Variants in KNDC1 observed in about 807,000 individuals in gnomAD.
KNDC1 encodes the protein kinase non-catalytic C-lobe domain containing 1.
A neutral mutation model predicts 172.8 loss-of-function variants in KNDC1; 106 were observed. That is an observed-to-expected ratio of 0.61 (90% CI 0.52 to 0.72). The LOEUF (loss-of-function observed/expected upper bound fraction) is 0.72. Ranked by LOEUF, KNDC1 falls within the 30% of genes least tolerant of loss-of-function variation. The probability of loss-of-function intolerance (pLI) is 0.00; values close to 1 mark genes in which losing one functional copy is unlikely to be tolerated. For missense variants in KNDC1, 2,325 were observed against 2,394.5 expected (o/e 0.97, Z 0.61); for synonymous variants, 1,083 against 1,062.2 (o/e 1.02, Z -0.38).
intron 5 of KNDC1, among the ~76,000 whole-genome samples, chr10:133,185,406 G>C (rs113292778): frequency 4.9e-5 from 7 of 144,232 alleles, no homozygotes; most frequent in East Asian, 4.2e-4. Context: ...GGAGTAGGCA[G>C]TGTGTGCAGT....
chr10:133,198,998 G>A lies in KNDC1; in HGVS notation c.2490G>A (p.Lys830=), dbSNP rs764662190. Residue 830 remains lysine, a synonymous_variant, in exon 14 of 30, where the codon AAG becomes AAA. Transcript: ENST00000304613. ...TAHHGPRHPP[K]PPRSKATERP... ...ACCACGGCCCACGCCACCCGCCCAA[G>A]CCCCCACGAAGCAAGGCCACCGAGC... 6.4e-7 allele frequency: 1 copy of A among 1,557,224 alleles called. No homozygotes were observed. The highest frequency in any genetic ancestry group is 8.7e-7 in the Non-Finnish European group (1 of 1,154,266).
At chr10:133,184,285 TGC>T (rs1183560822) in intron 5 of KNDC1, among the ~76,000 whole-genome samples, 1 of 117,258 alleles carries the variant, frequency 8.5e-6, no homozygotes, top group Non-Finnish European at 1.8e-5. Context: ...ACACACACGC[TGC>T]ACACACACCC....
At chr10:133,191,569 G>A (rs1177011980) in intron 9 of KNDC1, among the ~76,000 whole-genome samples, 4 of 152,072 alleles carry the variant, frequency 2.6e-5, no homozygotes, top group African/African-American at 7.2e-5. Context: ...GGGTGGTGGT[G>A]TGCACCTATA....
intron 17 of KNDC1, among the ~76,000 whole-genome samples, chr10:133,203,357 A>G (rs1379963429): frequency 6.6e-6 from 1 of 152,234 alleles, no homozygotes; most frequent in Admixed American, 6.5e-5. Context: ...CCCCAAACAC[A>G]CAGCGTCCGG....
At chr10:133,201,469 T>C in intron 16 of KNDC1, 32 bp from the exon 17 acceptor site, 1 of 1,553,652 alleles carries the variant, frequency 6.4e-7, no homozygotes, top group Non-Finnish European at 8.7e-7. Flanking sequence ...CAGGAGCCAC[T>C]GTCCACGTAA....
rs746149144 is a variant in KNDC1 at position 133,224,627 on chromosome 10, C to T, written c.5019-32C>T. The T allele has an allele frequency of 6.3e-7, 1 of 1,585,246 alleles. No homozygotes were observed. Among genetic ancestry groups the T allele is most frequent in the South Asian group, 1.1e-5 (1 of 90,344 alleles). The stretch of plus-strand genomic sequence containing the variant: ...ACGGAAGCCGCGCCCCTGCCCTGTG[C>T]AAACTAACGTCTCTTCTTTCCTCAA... On this transcript the variant is annotated intron_variant, in intron 29 of 29. Transcript: ENST00000304613. The surrounding 1 kb of genome is among the most constrained non-coding windows in gnomAD (Gnocchi z 5.4).
intron 20 of KNDC1, among the ~76,000 whole-genome samples, chr10:133,210,005 G>A (rs891241469): frequency 2.6e-5 from 4 of 152,118 alleles, no homozygotes; most frequent in African/African-American, 7.2e-5. Context: ...GCCCGGTCCC[G>A]AGGCACCAGC....
intron 3 of KNDC1, among the ~76,000 whole-genome samples, chr10:133,170,097 CTG>C (rs1853326839): frequency 6.6e-6 from 1 of 152,230 alleles, no homozygotes; most frequent in Admixed American, 6.5e-5. Flanking sequence ...GTGGCACCTG[CTG>C]TGTGTTATCC....
intron 2 of KNDC1, among the ~76,000 whole-genome samples, chr10:133,167,949 C>T (rs1168647060): frequency 6.6e-6 from 1 of 152,230 alleles, no homozygotes; most frequent in Non-Finnish European, 1.5e-5. Context: ...GACGCCCCTG[C>T]CTCCGTGGGT....
At chr10:133,181,834 C>CCACCCACACACACACACA (rs1853726332) in intron 3 of KNDC1, among the ~76,000 whole-genome samples, 1 of 138,794 alleles carries the variant, frequency 7.2e-6, no homozygotes, top group African/African-American at 2.6e-5. Context: ...CCAGGACCGT[C>CCACCCACACACACACACA]CACACACACA....
intron 3 of KNDC1, among the ~76,000 whole-genome samples, chr10:133,182,758 C>T (rs1030396836): frequency 2.6e-5 from 4 of 152,276 alleles, no homozygotes; most frequent in African/African-American, 7.2e-5. Flanking sequence ...GAGTCTGTGT[C>T]CCTCCAGAAA....
At chr10:133,177,779 T>C (rs540465606) in intron 3 of KNDC1, among the ~76,000 whole-genome samples, 2 of 152,214 alleles carry the variant, frequency 1.3e-5, no homozygotes, top group African/African-American at 4.8e-5. Context: ...GTATGGTGTG[T>C]GTAGCATGCC....
In KNDC1 at chr10:133,198,874, C is replaced by T. The variant is rs1854276681; in HGVS notation, c.2366C>T (p.Ala789Val). ...GSPVPAPPTK[A>V]SALPVEQGPA... ...CCAGTCCCCGCCCCGCCCACGAAGG[C>T]ATCTGCGCTGCCCGTAGAGCAAGGG... Residue 789 changes from alanine to valine, a missense_variant, in exon 14 of 30, where the codon GCA becomes GTA. Physicochemically the swap from Ala to Val is moderately conservative, Grantham distance 64. Transcript: ENST00000304613. The T allele has an allele frequency of 1.3e-6, 2 of 1,597,646 alleles. No individual in the cohort carries two copies. The highest frequency in any genetic ancestry group is 1.7e-6 in the Non-Finnish European group (2 of 1,176,044).
In KNDC1 at chr10:133,209,682, G is replaced by A. The variant is rs910545948; in HGVS notation, c.3795-929G>A. On this transcript the variant is annotated intron_variant, in intron 20 of 29. Transcript: ENST00000304613. This position sits in a 1 kb window ranked among gnomAD's most constrained non-coding sequence, Gnocchi z 4.9. Reference sequence around the variant, plus strand: ...CGTCTCCTGGCCGTGATGTGGTCACGAGGGGCTTCCCCGCTCTGTGGACCT... The same window carrying A: ...CGTCTCCTGGCCGTGATGTGGTCACAAGGGGCTTCCCCGCTCTGTGGACCT... 7.2e-5 allele frequency among the ~76,000 whole-genome samples: 11 copies of A among 152,056 alleles called. No individual in the cohort carries two copies. The highest frequency in any genetic ancestry group is 1.3e-4 in the Admixed American group (2 of 15,262).
Position 133,188,480 on chromosome 10 carries a change from C to T in KNDC1, c.1327-59C>T, listed in dbSNP as rs1029247776. ...GGCCTGTCCCCCGGACATGCCTCTC[C>T]AGGCGGCGGGCCCTGGCAAGGGGTG... On this transcript the variant is annotated intron_variant, in intron 6 of 29. Coordinates refer to ENST00000304613, the MANE Select transcript of KNDC1 (RefSeq NM_152643.8). 1.2e-5 allele frequency: 14 copies of T among 1,149,066 alleles called. No homozygotes were observed. In the East Asian group the frequency reaches 2.1e-4, roughly 17 times the overall value. 71.2% of individuals were successfully genotyped at this position (1,149,066 alleles called of 1,614,324 possible). A position where few individuals can be genotyped will look rare whatever the true frequency, so the allele number is the denominator to read the frequency against.
intron 9 of KNDC1, among the ~76,000 whole-genome samples, chr10:133,190,855 G>A (rs1353470234): frequency 6.6e-6 from 1 of 152,198 alleles, no homozygotes; most frequent in Non-Finnish European, 1.5e-5. Context: ...TTATGAGATT[G>A]TCTCAAACAA....
Position 133,218,846 on chromosome 10 carries a change from C to G in KNDC1, c.4693C>G (p.Leu1565Val), listed in dbSNP as rs751977821. The G allele has an allele frequency of 1.2e-6, 2 of 1,611,506 alleles. No homozygotes were observed. Among genetic ancestry groups the G allele is most frequent in the Admixed American group, 1.7e-5 (1 of 59,978 alleles). The part of the protein sequence containing the change: ...SHTSKLQVNL[L>V]SKFLLIAKSC... Reference sequence around the variant, plus strand: ...CTTATTGCAGCTGCAGGTGAACTTGCTGTCCAAATTTTTGCTGATTGCAAA... The same window carrying G: ...CTTATTGCAGCTGCAGGTGAACTTGGTGTCCAAATTTTTGCTGATTGCAAA... The change falls in exon 27 of 30, where the codon CTG becomes GTG. Residue 1565 changes from leucine (L) to valine (V), a missense_variant. Coordinates refer to ENST00000304613, the MANE Select transcript of KNDC1 (RefSeq NM_152643.8).
intron 16 of KNDC1, among the ~76,000 whole-genome samples, chr10:133,201,201 G>A (rs928609646): frequency 2.6e-5 from 4 of 152,230 alleles, no homozygotes; most frequent in Admixed American, 6.5e-5. Flanking sequence ...CAGAGCCAGC[G>A]AGGACAGGGC....
chr10:133,180,830 G>A (rs1853695924), intron 3 of KNDC1, among the ~76,000 whole-genome samples: 1 of 152,266 alleles, frequency 6.6e-6, no homozygotes, highest in Non-Finnish European at 1.5e-5. Context: ...AAAACTGCGA[G>A]TAGATACGAA....
Sources: allele counts gnomAD v4.1 joint callset (sites outside exome capture counted in the v4.1 genomes callset), GRCh38; gene constraint gnomAD v4.1.1; non-coding constraint Gnocchi (gnomAD v3.1); transcripts MANE v1.5; gene names NCBI Gene and HGNC (gene_info 2026-07-23, HGNC 2026-07-21).